Variants in SH3BP5 observed in about 807,000 individuals in gnomAD.
SH3BP5 encodes the protein SH3 domain binding protein 5, also known as SH3 domain-binding protein 5.
Under a neutral mutation model 43.3 loss-of-function variants are expected in SH3BP5, and 22 were observed. That is an observed-to-expected ratio of 0.51 (90% CI 0.36 to 0.73). The LOEUF is 0.73. SH3BP5 is among the 30% of genes least tolerant of loss of function. The pLI is 0.00. For missense variants in SH3BP5, 529 were observed against 586.9 expected, an observed-to-expected ratio of 0.90 and a Z score of 1.02; for synonymous variants, 255 against 225.8, an observed-to-expected ratio of 1.13 and a Z score of -1.16.
intron 3 of SH3BP5, among the ~76,000 whole-genome samples, chr3:15,286,649 G>A (rs1575311449): frequency 6.6e-6 from 1 of 152,178 alleles, no homozygotes; most frequent in East Asian, 1.9e-4. Context: ...AACCTCCTGG[G>A]CTCCAGAGAT....
At chr3:15,259,887 G>A in intron 5 of SH3BP5, 84 bp from the exon 6 acceptor site, 1 of 1,226,832 alleles carries the variant, frequency 8.2e-7, no homozygotes, top group Non-Finnish European at 1.2e-6. Context: ...AGAGGCATCA[G>A]CTACCACTGG....
rs1007387327 is a variant in SH3BP5 at position 15,255,600 on chromosome 3, G to A, written c.*486C>T. The stretch of plus-strand genomic sequence containing the variant: ...ATTTTTTTTTTTTTAAGCCTCCACT[G>A]GGTCAAAAATATGTGCTCTTAATAC... On this transcript the variant is annotated 3_prime_UTR_variant, in exon 9 of 9. Coordinates refer to ENST00000383791, the MANE Select transcript of SH3BP5 (RefSeq NM_004844.5). 2.6e-5 allele frequency: 4 copies of A among 152,324 alleles called. No individual in the cohort carries two copies. Among genetic ancestry groups the A allele is most frequent in the African/African-American group, 9.7e-5 (4 of 41,308 alleles). 9.4% of individuals were successfully genotyped at this position (152,324 alleles called of 1,614,324 possible).
At chr3:15,282,417 T>TA (rs1373630576) in intron 3 of SH3BP5, among the ~76,000 whole-genome samples, 3 of 152,252 alleles carry the variant, frequency 2.0e-5, no homozygotes, top group Non-Finnish European at 4.4e-5. Context: ...TTTTCCATAA[T>TA]AAAAAAGTTT....
chr3:15,318,232 A>G (rs1248328966), intron 2 of SH3BP5, among the ~76,000 whole-genome samples: 1 of 152,210 alleles, frequency 6.6e-6, no homozygotes, highest in East Asian at 1.9e-4. Flanking sequence ...CCATTATTTA[A>G]TAACTGGCTA....
rs1559432604 is a variant in SH3BP5 at position 15,272,557 on chromosome 3, G to GGAGATTTGAT, written c.331-2681_331-2680insATCAAATCTC. Among the ~76,000 whole-genome samples the GGAGATTTGAT allele has an allele frequency of 1.1e-3, 112 of 101,934 alleles. 13 individuals carry two copies. The highest frequency in any genetic ancestry group is 5.0e-3 in the African/African-American group (100 of 20,012). The allele number at this position is 101,934 out of a possible 152,430, so 66.9% of individuals were successfully genotyped here. A position where few individuals can be genotyped will look rare whatever the true frequency, so the allele number is the denominator to read the frequency against. On this transcript the variant is annotated intron_variant, in intron 3 of 8. Transcript: ENST00000383791. The stretch of plus-strand genomic sequence containing the variant: ...GACATTACAAAACAGAGTGCCTGTA[G>GGAGATTTGAT]GATAAAGACATTACAAAACAGAGTG...
intron 3 of SH3BP5, among the ~76,000 whole-genome samples, chr3:15,275,070 T>C (rs189812660): frequency 7.9e-5 from 12 of 152,310 alleles, no homozygotes; most frequent in Admixed American, 7.2e-4. Flanking sequence ...GATGAGGTCC[T>C]GAGGGTGGGA....
At chr3:15,337,533 C>A (rs924149261), upstream of SH3BP5, among the ~76,000 whole-genome samples, 1 of 152,060 alleles carries the variant, frequency 6.6e-6, no homozygotes, top group Non-Finnish European at 1.5e-5. Context: ...TATATGCATA[C>A]ACTATTTCTG....
intron 3 of SH3BP5, among the ~76,000 whole-genome samples, chr3:15,302,598 G>A (rs1251305381): frequency 6.6e-6 from 1 of 152,112 alleles, no homozygotes. Flanking sequence ...GAAGAGAAAT[G>A]AGAGGTGCAT....
chr3:15,313,462 T>TG (rs1232563426), intron 2 of SH3BP5, among the ~76,000 whole-genome samples: 1 of 152,236 alleles, frequency 6.6e-6, no homozygotes, highest in African/African-American at 2.4e-5. Context: ...GAAAACATCC[T>TG]GACTTACTGG....
At position 15,332,280 on chromosome 3, in the gene SH3BP5, G is replaced by A. The variant is rs1386491111; in HGVS notation, c.129C>T (p.Pro43=). The A allele has an allele frequency of 2.6e-6, 4 of 1,550,008 alleles. No homozygotes were observed. The highest frequency in any genetic ancestry group is 1.2e-5 in the South Asian group (1 of 84,408). Residue 43 remains proline (P), a synonymous_variant, in exon 1 of 9, where the codon CCC becomes CCT. Transcript: ENST00000383791. ...ACCCCGCGCGCCCTACCTGGATCCG[G>A]GGATCCACCTCTTCTTCCTCCTCCA... is the stretch of plus-strand genomic sequence containing the variant. ...QGLEEEEEVD[P]RIQGELEKLN...
chr3:15,316,731 A>G (rs63095661), intron 2 of SH3BP5, among the ~76,000 whole-genome samples: 1 of 6,590 alleles, frequency 1.5e-4, no homozygotes, highest in Non-Finnish European at 3.7e-4. Context: ...TATGAAATGG[A>G]AAAAAAAAAA....
intron 3 of SH3BP5, among the ~76,000 whole-genome samples, chr3:15,281,013 C>T (rs1321153910): frequency 2.0e-5 from 3 of 152,168 alleles, no homozygotes; most frequent in Admixed American, 6.5e-5. Flanking sequence ...GAATATTGCA[C>T]GCCGGGAAAG....
chr3:15,310,419 T>A (rs1035076476), intron 2 of SH3BP5, among the ~76,000 whole-genome samples: 5 of 152,236 alleles, frequency 3.3e-5, no homozygotes, highest in Non-Finnish European at 5.9e-5. Flanking sequence ...GAACTTAGAC[T>A]TTCTGTCTTG....
At chr3:15,259,441 A>G (rs1282876485) in intron 6 of SH3BP5, 2 of 527,890 alleles carry the variant, frequency 3.8e-6, no homozygotes, top group Non-Finnish European at 6.8e-6. Context: ...CTCCAACCTC[A>G]GAGTTTCTAA....
intron 3 of SH3BP5, among the ~76,000 whole-genome samples, chr3:15,274,513 A>G (rs918801539): frequency 1.3e-5 from 2 of 151,910 alleles, no homozygotes; most frequent in African/African-American, 4.8e-5. Context: ...TGGTTGTCTG[A>G]GACTGAATCT....
intron 4 of SH3BP5, among the ~76,000 whole-genome samples, chr3:15,269,148 A>G (rs912834263): frequency 1.3e-5 from 2 of 152,172 alleles, no homozygotes; most frequent in Admixed American, 1.3e-4. Context: ...ATATAATGAC[A>G]TAAAACCCAG....
intron 1 of SH3BP5, chr3:15,339,857 TA>T (rs201680394): frequency 0.13 from 19,028 of 142,656 alleles, 1,423 homozygotes; most frequent in African/African-American, 0.2. Flanking sequence ...CATAAAAAAT[TA>T]AAAAAAAAAA....
rs762817733 is a variant in SH3BP5 at position 15,330,585 on chromosome 3, A to AG, written c.139-20dup. The AG allele has an allele frequency of 7.0e-6, 11 of 1,577,278 alleles. No individual in the cohort carries two copies. The highest frequency in any genetic ancestry group is 2.3e-5 in the South Asian group (2 of 85,906). Reference sequence around the variant, plus strand: ...GTTCTCCCTGGTGAAGAAAAGAGGGAGAAAAAAAGACTTAAGGGATCCGTC... The same window carrying AG: ...GTTCTCCCTGGTGAAGAAAAGAGGGAGGAAAAAAAGACTTAAGGGATCCGTC... On this transcript the variant is annotated intron_variant, in intron 1 of 8. Transcript: ENST00000383791.
intron 5 of SH3BP5, among the ~76,000 whole-genome samples, chr3:15,260,987 A>C (rs1350132982): frequency 6.6e-6 from 1 of 152,212 alleles, no homozygotes; most frequent in Admixed American, 6.5e-5. Flanking sequence ...GAAAAGACCC[A>C]CCATATTCAC....
Sources: allele counts gnomAD v4.1 joint callset (sites outside exome capture counted in the v4.1 genomes callset), GRCh38; gene constraint gnomAD v4.1.1; transcripts MANE v1.5; gene names NCBI Gene and HGNC (gene_info 2026-07-23, HGNC 2026-07-21).